The following CDH17 variants were observed in gnomAD, a reference collection of about 807,000 sequenced individuals.
CDH17 encodes the protein cadherin-17.
CDH17 carries 67 observed loss-of-function variants against 86.3 expected under a neutral mutation model. The observed-to-expected ratio is 0.78, with a 90% CI of 0.64 to 0.95. The LOEUF is 0.95. CDH17 is among the 40% of genes least tolerant of loss of function. CDH17 has a pLI of 0.00. For synonymous variants in CDH17, 367 were observed against 366.4 expected (o/e 1.00, Z -0.02); for missense variants, 993 against 1,017.6 (o/e 0.98, Z 0.33).
intron 1 of CDH17, among the ~76,000 whole-genome samples, chr8:94,215,950 T>G (rs904143099): frequency 6.6e-6 from 1 of 152,008 alleles, no homozygotes; most frequent in African/African-American, 2.4e-5. Context: ...AACATTTCAG[T>G]ACACAAAGAT....
At chr8:94,216,641 A>G (rs924635412) in intron 1 of CDH17, among the ~76,000 whole-genome samples, 2 of 151,796 alleles carry the variant, frequency 1.3e-5, no homozygotes, top group African/African-American at 4.8e-5. Context: ...ATTGCCTAGA[A>G]CCAGGACTAT....
intron 1 of CDH17, among the ~76,000 whole-genome samples, chr8:94,199,062 TATATATATATATATATA>T (rs1563589424): frequency 2.3e-4 from 5 of 22,220 alleles, no homozygotes; most frequent in African/African-American, 5.0e-4. Flanking sequence ...TATATATATA[TATATATATATATATATA>T]TATATTTTTT....
chr8:94,200,379 C>G (rs1458654370), intron 1 of CDH17, among the ~76,000 whole-genome samples: 1 of 151,964 alleles, frequency 6.6e-6, no homozygotes, highest in Non-Finnish European at 1.5e-5. Context: ...TCTGAACTAC[C>G]TGTAATAATT....
intron 15 of CDH17, among the ~76,000 whole-genome samples, chr8:94,142,567 T>G (rs767462007): frequency 6.6e-6 from 1 of 152,230 alleles, no homozygotes; most frequent in Non-Finnish European, 1.5e-5. Context: ...CTGTATAGCA[T>G]GTGATGCTGG....
At chr8:94,155,143 G>C (rs1330653045) in intron 12 of CDH17, among the ~76,000 whole-genome samples, 1 of 152,174 alleles carries the variant, frequency 6.6e-6, no homozygotes, top group Admixed American at 6.5e-5. Context: ...TGAAAAAAGA[G>C]GTTGTTCATA....
chr8:94,204,757 C>A (rs978877281), intron 1 of CDH17, among the ~76,000 whole-genome samples: 1 of 152,080 alleles, frequency 6.6e-6, no homozygotes, highest in Non-Finnish European at 1.5e-5. Context: ...TCCTGGTTGG[C>A]GTTTGTTCCC....
At chr8:94,198,184 C>T (rs1285341569) in intron 1 of CDH17, among the ~76,000 whole-genome samples, 3 of 152,104 alleles carry the variant, frequency 2.0e-5, no homozygotes, top group Admixed American at 2.0e-4. Context: ...ATAAATTAAG[C>T]AACTTGCCCT....
At chr8:94,134,597 CA>C (rs1812485376) in intron 15 of CDH17, among the ~76,000 whole-genome samples, 1 of 151,882 alleles carries the variant, frequency 6.6e-6, no homozygotes, top group African/African-American at 2.4e-5. Context: ...TTGATCTTTT[CA>C]AAAAACCAGC....
At chr8:94,142,780 A>G (rs1812665217) in intron 15 of CDH17, among the ~76,000 whole-genome samples, 1 of 152,218 alleles carries the variant, frequency 6.6e-6, no homozygotes, top group African/African-American at 2.4e-5. Context: ...TTCAGTTGTA[A>G]GAAGCAACTC....
At chr8:94,207,539 A>T (rs1814053375) in intron 1 of CDH17, among the ~76,000 whole-genome samples, 1 of 152,090 alleles carries the variant, frequency 6.6e-6, no homozygotes, top group African/African-American at 2.4e-5. Context: ...TCAGTAAAGG[A>T]CTCGCTTTGT....
At chr8:94,190,056 G>C (rs1467103984) in intron 2 of CDH17, among the ~76,000 whole-genome samples, 1 of 152,236 alleles carries the variant, frequency 6.6e-6, no homozygotes, top group Non-Finnish European at 1.5e-5. Context: ...GGGATGGTAA[G>C]AAGAGTGGCT....
chr8:94,134,458 A>G (rs935931177), intron 15 of CDH17, among the ~76,000 whole-genome samples: 2 of 152,148 alleles, frequency 1.3e-5, no homozygotes, highest in Non-Finnish European at 2.9e-5. Context: ...TGTTTATAGT[A>G]TTCTCTGATT....
upstream of CDH17, among the ~76,000 whole-genome samples, chr8:94,210,943 C>A (rs780862129): frequency 6.6e-6 from 1 of 151,310 alleles, no homozygotes; most frequent in Admixed American, 6.6e-5. Context: ...ATCATTTGAA[C>A]CTGGGAGGTG....
intron 15 of CDH17, among the ~76,000 whole-genome samples, chr8:94,143,677 G>A (rs368158442): frequency 1.3e-5 from 2 of 152,176 alleles, no homozygotes; most frequent in African/African-American, 4.8e-5. Flanking sequence ...TCAATTTGCT[G>A]CATCACTTTG....
rs577261443 is a variant in CDH17 at position 94,128,072 on chromosome 8, G to A, written c.*168C>T. The stretch of plus-strand genomic sequence containing the variant: ...CACACCACTGTACTCCAGCCTGGGC[G>A]ACAGAGCAAGACTCCACCTCAAAAA... On this transcript the variant is annotated 3_prime_UTR_variant, in exon 18 of 18. Transcript: ENST00000027335. The A allele has an allele frequency of 1.4e-4, 79 of 573,280 alleles. No individual in the cohort carries two copies. Among genetic ancestry groups the A allele is most frequent in the East Asian group, 5.4e-4 (18 of 33,252 alleles). The allele number at this position is 573,280 out of a possible 1,614,324, so 35.5% of individuals were successfully genotyped here.
intron 15 of CDH17, among the ~76,000 whole-genome samples, chr8:94,144,942 A>C (rs1027056302): frequency 3.9e-5 from 6 of 152,206 alleles, no homozygotes; most frequent in African/African-American, 1.4e-4. Flanking sequence ...AATACAAATA[A>C]AACCATTATG....
intron 1 of CDH17, among the ~76,000 whole-genome samples, chr8:94,204,326 C>T (rs529759440): frequency 3.9e-5 from 6 of 151,960 alleles, no homozygotes; most frequent in Non-Finnish European, 7.4e-5. Context: ...GGACAGGCCC[C>T]GATGTGTGAT....
chr8:94,187,119 G>A (rs1813596121), intron 3 of CDH17, among the ~76,000 whole-genome samples: 1 of 152,194 alleles, frequency 6.6e-6, no homozygotes, highest in Non-Finnish European at 1.5e-5. Flanking sequence ...TAGATTTTAA[G>A]TGTTCTCACC....
intron 12 of CDH17, 75 bp from the exon 13 acceptor site, chr8:94,152,187 A>T (rs536643906): frequency 6.7e-7 from 1 of 1,490,370 alleles, no homozygotes; most frequent in African/African-American, 1.4e-5. Flanking sequence ...TATCCTTCTT[A>T]AACTCTCATA....
Sources: allele counts gnomAD v4.1 joint callset (sites outside exome capture counted in the v4.1 genomes callset), GRCh38; gene constraint gnomAD v4.1.1; transcripts MANE v1.5; gene names NCBI Gene and HGNC (gene_info 2026-07-23, HGNC 2026-07-21).